Variants in C13orf42 observed in about 807,000 individuals in gnomAD.
C13orf42 encodes chromosome 13 open reading frame 42.
At chr13:51,133,369 G>T (rs1255710380) in intron 1 of C13orf42, among the ~76,000 whole-genome samples, 1 of 152,154 alleles carries the variant, frequency 6.6e-6, no homozygotes, top group Non-Finnish European at 1.5e-5. Flanking sequence ...CTGTTTGAGG[G>T]AATGGGGAAG....
At chr13:51,119,871 G>T (rs1025086838) in intron 1 of C13orf42, among the ~76,000 whole-genome samples, 16 of 152,022 alleles carry the variant, frequency 1.1e-4, no homozygotes, top group African/African-American at 3.9e-4. Flanking sequence ...CCACTAAATT[G>T]TACATTTAAA....
At chr13:51,129,336 C>T (rs1239283450) in intron 1 of C13orf42, among the ~76,000 whole-genome samples, 2 of 152,132 alleles carry the variant, frequency 1.3e-5, no homozygotes, top group African/African-American at 4.8e-5. Context: ...AGGAGCAATA[C>T]CTCATGCTGG....
At chr13:51,162,942 C>A (rs1953877547) in intron 1 of C13orf42, among the ~76,000 whole-genome samples, 1 of 152,202 alleles carries the variant, frequency 6.6e-6, no homozygotes, top group Non-Finnish European at 1.5e-5. Context: ...TTGCACTTGG[C>A]TTTGTGGCTC....
chr13:51,151,373 A>AT (rs1189720918), intron 1 of C13orf42, among the ~76,000 whole-genome samples: 13 of 115,362 alleles, frequency 1.1e-4, no homozygotes, highest in African/African-American at 3.8e-4. Context: ...AAGCTGGAAA[A>AT]GGAAAAAAAA....
chr13:51,111,295 A>G (rs984210437), upstream of C13orf42: 7 of 397,650 alleles, frequency 1.8e-5, no homozygotes, highest in Non-Finnish European at 3.1e-5. Context: ...GCCGACATCC[A>G]GGCCTCGCAC....
At chr13:51,100,105 GT>G (rs1953272432) in intron 1 of C13orf42, among the ~76,000 whole-genome samples, 1 of 150,956 alleles carries the variant, frequency 6.6e-6, no homozygotes, top group South Asian at 2.1e-4. Flanking sequence ...GAAAATTCAA[GT>G]TGTGTTCTCA....
intron 1 of C13orf42, among the ~76,000 whole-genome samples, chr13:51,120,188 C>G (rs185757166): frequency 6.6e-6 from 1 of 152,170 alleles, no homozygotes; most frequent in Non-Finnish European, 1.5e-5. Context: ...GCACTGACTA[C>G]GTATGCTGGG....
At chr13:51,104,694 A>C (rs1425658844) in intron 1 of C13orf42, among the ~76,000 whole-genome samples, 2 of 152,098 alleles carry the variant, frequency 1.3e-5, no homozygotes, top group Non-Finnish European at 2.9e-5. Context: ...AAGATTACAC[A>C]ATACTGAATC....
At chr13:51,126,738 G>A (rs1413838073) in intron 1 of C13orf42, among the ~76,000 whole-genome samples, 2 of 152,198 alleles carry the variant, frequency 1.3e-5, no homozygotes, top group African/African-American at 2.4e-5. Flanking sequence ...TACCAGGGGA[G>A]GTTCTTGCCC....
At chr13:51,091,798 T>C (rs1953182561) in intron 1 of C13orf42, among the ~76,000 whole-genome samples, 1 of 152,102 alleles carries the variant, frequency 6.6e-6, no homozygotes, top group South Asian at 2.1e-4. Context: ...CTGGTTATAC[T>C]CCCTGGGTTT....
At chr13:51,096,900 T>C (rs1318057530) in intron 1 of C13orf42, among the ~76,000 whole-genome samples, 1 of 152,268 alleles carries the variant, frequency 6.6e-6, no homozygotes, top group Admixed American at 6.5e-5. Flanking sequence ...CTTGCTTTCA[T>C]GTCAGTCCCT....
chr13:51,111,107 G>A lies in C13orf42; in HGVS notation c.103C>T (p.Arg35Ter), dbSNP rs545501432. 7.5e-6 allele frequency: 3 copies of A among 398,654 alleles called. No homozygotes were observed. Among genetic ancestry groups the A allele is most frequent in the South Asian group, 1.3e-4 (1 of 7,844 alleles). 24.7% of individuals were successfully genotyped at this position (398,654 alleles called of 1,614,324 possible). The change falls in exon 1 of 4, where the codon CGA becomes TGA. Residue 35 changes from arginine (R) to a stop codon, truncating the protein, a stop_gained. Transcript: ENST00000563710. LOFTEE classifies it high-confidence loss of function. Reference sequence around the variant, plus strand: ...CCGACCACATACATGGAACTGCTTCGAATCAGCTTCACTGCGGGGCTGGCT... The same window carrying A: ...CCGACCACATACATGGAACTGCTTCAAATCAGCTTCACTGCGGGGCTGGCT... ...EGASPAVKLI[R>*]SSSMYVVGDH...
chr13:51,141,304 A>G (rs907871633), intron 1 of C13orf42, among the ~76,000 whole-genome samples: 3 of 151,802 alleles, frequency 2.0e-5, no homozygotes, highest in African/African-American at 7.3e-5. Flanking sequence ...CAGTTCTGCA[A>G]CAGAGGACAC....
intron 1 of C13orf42, among the ~76,000 whole-genome samples, chr13:51,134,549 C>T (rs1037708639): frequency 2.6e-5 from 4 of 152,188 alleles, no homozygotes; most frequent in Non-Finnish European, 5.9e-5. Flanking sequence ...ACTCATTTCT[C>T]CAACTTAACT....
upstream of C13orf42, among the ~76,000 whole-genome samples, chr13:51,113,954 C>G (rs139351634): frequency 7.9e-5 from 12 of 152,368 alleles, no homozygotes; most frequent in Non-Finnish European, 1.8e-4. Context: ...GTGTCAGAGC[C>G]TTGAGGCTTG....
intron 1 of C13orf42, among the ~76,000 whole-genome samples, chr13:51,088,387 G>A (rs1246549475): frequency 6.6e-6 from 1 of 152,202 alleles, no homozygotes; most frequent in Non-Finnish European, 1.5e-5. Context: ...GTTCCTTGCT[G>A]ATAAACACCC....
chr13:51,133,542 AT>A (rs950901705), intron 1 of C13orf42, among the ~76,000 whole-genome samples: 2 of 151,882 alleles, frequency 1.3e-5, no homozygotes, highest in East Asian at 1.9e-4. Flanking sequence ...ACTATTTTTA[AT>A]TTTTTTATTT....
chr13:51,138,001 G>A (rs1953670115), intron 1 of C13orf42, among the ~76,000 whole-genome samples: 1 of 151,954 alleles, frequency 6.6e-6, no homozygotes, highest in Admixed American at 6.6e-5. Context: ...TGGTGTAGAG[G>A]CAGGAGGGTT....
intron 1 of C13orf42, among the ~76,000 whole-genome samples, chr13:51,121,333 C>T (rs1347005912): frequency 6.6e-6 from 1 of 152,048 alleles, no homozygotes; most frequent in Admixed American, 6.5e-5. Flanking sequence ...ACTTGTTAGA[C>T]CAGACCTTGA....
Sources: allele counts gnomAD v4.1 joint callset (sites outside exome capture counted in the v4.1 genomes callset), GRCh38; gene constraint gnomAD v4.1.1; transcripts MANE v1.5; gene names NCBI Gene and HGNC (gene_info 2026-07-23, HGNC 2026-07-21).